Variants in MTHFS observed in about 807,000 individuals in gnomAD.
MTHFS encodes methenyltetrahydrofolate synthetase, also known as 5-formyltetrahydrofolate cyclo-ligase.
A neutral mutation model predicts 12.7 loss-of-function variants in MTHFS; 7 were observed. The observed-to-expected ratio is 0.55, with a 90% CI of 0.31 to 1.03. The LOEUF (loss-of-function observed/expected upper bound fraction) is 1.03, where lower values mean the gene tolerates loss of function less well. Ranked by LOEUF, MTHFS falls within the 50% of genes least tolerant of loss-of-function variation. The pLI is 0.05. For missense variants in MTHFS, 252 were observed against 258.1 expected (o/e 0.98, Z 0.16); for synonymous variants, 100 against 97.1 (o/e 1.03, Z -0.18).
intron 2 of MTHFS, among the ~76,000 whole-genome samples, chr15:79,875,004 C>T (rs549084723): frequency 6.6e-6 from 1 of 152,118 alleles, no homozygotes; most frequent in African/African-American, 2.4e-5. Context: ...CGACACACAT[C>T]CCCAGCTTAC....
At chr15:79,864,233 T>C (rs2033966233) in intron 2 of MTHFS, among the ~76,000 whole-genome samples, 1 of 152,174 alleles carries the variant, frequency 6.6e-6, no homozygotes, top group Non-Finnish European at 1.5e-5. Flanking sequence ...AATTTACCCA[T>C]GTCACTGTCT....
At chr15:79,850,772 C>A (rs1470387069) in intron 2 of MTHFS, among the ~76,000 whole-genome samples, 1 of 152,152 alleles carries the variant, frequency 6.6e-6, no homozygotes, top group Non-Finnish European at 1.5e-5. Flanking sequence ...GCTGCAGAAT[C>A]TTCGTTGACC....
At chr15:79,865,111 T>C (rs1158823831) in intron 2 of MTHFS, among the ~76,000 whole-genome samples, 1 of 152,230 alleles carries the variant, frequency 6.6e-6, no homozygotes, top group Non-Finnish European at 1.5e-5. Context: ...ATTCAAAATG[T>C]TATCAATAAT....
intron 2 of MTHFS, 82 bp from the exon 3 acceptor site, chr15:79,845,524 C>T (rs2033596773): frequency 6.7e-7 from 1 of 1,500,318 alleles, no homozygotes. Context: ...TTTGTAATGA[C>T]ATCAATTCTT....
At chr15:79,880,412 C>T (rs1460201398) in intron 2 of MTHFS, among the ~76,000 whole-genome samples, 1 of 151,852 alleles carries the variant, frequency 6.6e-6, no homozygotes, top group Non-Finnish European at 1.5e-5. Context: ...ATAATCAATA[C>T]AATCTGGTTT....
intron 2 of MTHFS, among the ~76,000 whole-genome samples, chr15:79,858,015 C>CA (rs71453466): frequency 0.015 from 900 of 59,122 alleles, 34 homozygotes; most frequent in Middle Eastern, 0.063. Flanking sequence ...GACTCCATCT[C>CA]AAAAAAAAAA....
upstream of MTHFS, chr15:79,897,185 G>T (rs2034598428): frequency 4.1e-6 from 2 of 486,198 alleles, no homozygotes; most frequent in East Asian, 3.5e-5. Context: ...TTGGGACCCA[G>T]CCCTCGTGCG....
intron 2 of MTHFS, among the ~76,000 whole-genome samples, chr15:79,872,297 A>G (rs2034121281): frequency 6.6e-6 from 1 of 152,146 alleles, no homozygotes; most frequent in Non-Finnish European, 1.5e-5. Flanking sequence ...TCTCTGATCT[A>G]ATTCTGTAAC....
At chr15:79,896,575 G>C (rs904338972) in intron 1 of MTHFS, among the ~76,000 whole-genome samples, 4 of 152,190 alleles carry the variant, frequency 2.6e-5, no homozygotes, top group Non-Finnish European at 5.9e-5. Flanking sequence ...AGCACCAAAA[G>C]AGCCACCCAT....
chr15:79,873,924 G>A (rs1596074043), intron 2 of MTHFS, among the ~76,000 whole-genome samples: 1 of 152,332 alleles, frequency 6.6e-6, no homozygotes, highest in South Asian at 2.1e-4. Context: ...GAAGGGCTGA[G>A]ATAAACTCTT....
At chr15:79,850,241 A>T (rs1354703469) in intron 2 of MTHFS, among the ~76,000 whole-genome samples, 1 of 152,248 alleles carries the variant, frequency 6.6e-6, no homozygotes, top group African/African-American at 2.4e-5. Flanking sequence ...AGTTTCTCCA[A>T]TATTTCAAGT....
At chr15:79,896,453 G>C (rs1333650824) in intron 1 of MTHFS, among the ~76,000 whole-genome samples, 1 of 152,100 alleles carries the variant, frequency 6.6e-6, no homozygotes, top group African/African-American at 2.4e-5. Context: ...ATTAACTTTA[G>C]GCCTCACTGA....
intron 2 of MTHFS, chr15:79,877,218 C>T (rs1302786296): frequency 2.0e-5 from 3 of 151,852 alleles, no homozygotes; most frequent in Admixed American, 1.3e-4. Context: ...GCCTAAGTGA[C>T]TTGTGGGACA....
chr15:79,889,203 A>T lies in MTHFS; in HGVS notation c.269T>A (p.Met90Lys), dbSNP rs1241379288. 1.2e-6 allele frequency: 2 copies of T among 1,614,046 alleles called. No individual in the cohort carries two copies. The highest frequency in any genetic ancestry group is 4.5e-5 in the East Asian group (2 of 44,898). ...TGGTGATTCTATTCTCACCATATCC[A>T]TGTGATTGCTCTGGAACCGGTACCG... Reference protein sequence around the residue: ...IPRYRFQSNHMDMVRIESPEE... With the variant: ...IPRYRFQSNHKDMVRIESPEE... Residue 90 changes from methionine to lysine, a missense_variant, in exon 2 of 3, where the codon ATG (methionine) becomes AAG (lysine). Physicochemically the swap from Met to Lys is moderately conservative, Grantham distance 95. Coordinates refer to ENST00000258874, the MANE Select transcript of MTHFS (RefSeq NM_006441.4).
intron 1 of MTHFS, among the ~76,000 whole-genome samples, chr15:79,895,990 A>C (rs563403343): frequency 1.1e-4 from 17 of 152,364 alleles, no homozygotes; most frequent in African/African-American, 4.1e-4. Flanking sequence ...GAGTCCCCAA[A>C]AACTCTTTAG....
intron 1 of MTHFS, among the ~76,000 whole-genome samples, chr15:79,896,039 G>A (rs1007433756): frequency 6.6e-6 from 1 of 152,172 alleles, no homozygotes; most frequent in Non-Finnish European, 1.5e-5. Flanking sequence ...CCATTTTATT[G>A]ATAAGAAAAC....
rs2033822908 is a variant in MTHFS, at chr15:79,857,166, T to C, written c.380-11724A>G. 3.3e-5 allele frequency among the ~76,000 whole-genome samples: 5 copies of C among 152,176 alleles called. No homozygotes were observed. In the Middle Eastern group the frequency reaches 0.014, roughly 414 times the overall value. ...ATGCACCACCACGCCCAGCTAATTT[T>C]TATATTTTTTTAGTAGAGATGGGGT... On this transcript the variant is annotated intron_variant, in intron 2 of 2. Coordinates refer to ENST00000258874, the MANE Select transcript of MTHFS (RefSeq NM_006441.4).
intron 2 of MTHFS, among the ~76,000 whole-genome samples, chr15:79,854,970 C>T (rs2088320400): frequency 6.6e-6 from 1 of 152,154 alleles, no homozygotes; most frequent in African/African-American, 2.4e-5. Context: ...AAACTATAGC[C>T]TGCAAGTCAA....
intron 2 of MTHFS, among the ~76,000 whole-genome samples, chr15:79,854,413 C>T (rs112711801): frequency 0.02 from 3,066 of 152,218 alleles, 89 homozygotes; most frequent in African/African-American, 0.069. Context: ...GCACTGGGGG[C>T]GAGGGGTAAC....
Sources: gnomAD v4.1 joint callset for allele counts (sites outside exome capture counted in the v4.1 genomes callset) on GRCh38, gnomAD v4.1.1 for gene constraint, MANE v1.5 for transcripts, NCBI Gene and HGNC (gene_info 2026-07-23, HGNC 2026-07-21) for gene names.